The following TRHDE variants were observed in gnomAD, a reference collection of about 807,000 sequenced individuals.
The protein encoded by TRHDE is thyrotropin releasing hormone degrading enzyme, also known as thyrotropin-releasing hormone-degrading ectoenzyme.
TRHDE carries 72 observed loss-of-function variants against 125.7 expected under a neutral mutation model. The ratio of observed to expected loss-of-function variants is 0.57; its 90% CI spans 0.47 to 0.70. The LOEUF (loss-of-function observed/expected upper bound fraction) is 0.70, where lower values mean the gene tolerates loss of function less well. Ranked by LOEUF, TRHDE falls within the 30% of genes least tolerant of loss-of-function variation. The pLI, the probability that TRHDE is intolerant of heterozygous loss-of-function variation, is 0.00. For missense variants in TRHDE, 1,110 were observed against 1,327.1 expected (o/e 0.84, Z 2.54); for synonymous variants, 509 against 509.1 (o/e 1.00, Z 0.00).
chr12:72,255,996 C>G (rs1472139147), intron 2 of TRHDE: 1 of 152,170 alleles, frequency 6.6e-6, no homozygotes, highest in African/African-American at 2.4e-5. Flanking sequence ...TCATCTCTTG[C>G]ATGGATTATT....
Position 72,286,957 on chromosome 12 carries a change from A to C in TRHDE, c.1188+3A>C. 1 of 1,611,948 alleles carries C rather than the reference A, an allele frequency of 6.2e-7. No individual in the cohort carries two copies. The highest frequency in any genetic ancestry group is 8.5e-7 in the Non-Finnish European group (1 of 1,179,066). On this transcript the variant is annotated splice_donor_region_variant and intron_variant, in intron 2 of 18. Coordinates refer to ENST00000261180, the MANE Select transcript of TRHDE (RefSeq NM_013381.3). Reference sequence around the variant, plus strand: ...CTACCACCAAGAGTGGGGTTGTAGTAAGTATTTTCAGCTTAATGATGTTTT... The same window carrying C: ...CTACCACCAAGAGTGGGGTTGTAGTCAGTATTTTCAGCTTAATGATGTTTT...
At chr12:72,533,187 T>G (rs902242055) in intron 6 of TRHDE, among the ~76,000 whole-genome samples, 43 of 152,062 alleles carry the variant, frequency 2.8e-4, no homozygotes, top group African/African-American at 1.0e-3. Context: ...TTTTTTTTTT[T>G]GTTTGAGATG....
intron 12 of TRHDE, among the ~76,000 whole-genome samples, chr12:72,607,033 G>A (rs1872473027): frequency 6.6e-6 from 1 of 151,922 alleles, no homozygotes. Flanking sequence ...CTTAAATTAG[G>A]ATCTAAATGA....
chr12:72,663,156 C>T lies in TRHDE; in HGVS notation c.3171C>T (p.Asp1057=), dbSNP rs200307970. 2.5e-5 allele frequency: 40 copies of T among 1,612,666 alleles called. No individual in the cohort carries two copies. In the East Asian group the frequency reaches 5.1e-4, roughly 21 times the overall value. Residue 1057 remains aspartate (D), a synonymous_variant, in exon 19 of 19, where the codon GAC becomes GAT. Coordinates refer to ENST00000261180, the MANE Select transcript of TRHDE (RefSeq NM_013381.3). Reference sequence around the variant, plus strand: ...TGCGCTGGAAAATGCTTTACCAAGACGAGCTTTTCCAATGGTTAGGAAAAG... The same window carrying T: ...TGCGCTGGAAAATGCTTTACCAAGATGAGCTTTTCCAATGGTTAGGAAAAG... ...ANVRWKMLYQ[D]ELFQWLGKAL...
At chr12:72,604,980 C>A (rs1012460791) in intron 12 of TRHDE, among the ~76,000 whole-genome samples, 1 of 151,990 alleles carries the variant, frequency 6.6e-6, no homozygotes, top group Non-Finnish European at 1.5e-5. Flanking sequence ...TAAAGAAAAT[C>A]AAGGGAAAGT....
In TRHDE at chr12:72,370,866, T is replaced by A. The variant is rs547558536; in HGVS notation, c.1189-7129T>A. The stretch of plus-strand genomic sequence containing the variant: ...CAAGCAATTCTTCTGCCTCAGCCTC[T>A]CAGGTAGCTGGGATTACAGGCATGC... On this transcript the variant is annotated intron_variant, in intron 2 of 18. Transcript: ENST00000261180. 3.3e-5 allele frequency among the ~76,000 whole-genome samples: 5 copies of A among 152,024 alleles called. No individual in the cohort carries two copies. The East Asian group carries it at 9.7e-4, about 29-fold the overall frequency.
At chr12:72,638,061 T>A (rs1164965578) in intron 15 of TRHDE, among the ~76,000 whole-genome samples, 3 of 149,384 alleles carry the variant, frequency 2.0e-5, no homozygotes, top group African/African-American at 7.4e-5. Flanking sequence ...GGTATCCTTG[T>A]TGACTTTCTG....
intron 2 of TRHDE, among the ~76,000 whole-genome samples, chr12:72,141,140 C>A (rs1876102681): frequency 6.6e-6 from 1 of 152,226 alleles, no homozygotes; most frequent in African/African-American, 2.4e-5. Context: ...TTTTATCTGG[C>A]AACTCTAAAT....
intron 3 of TRHDE, among the ~76,000 whole-genome samples, chr12:72,416,359 A>G (rs1480713535): frequency 6.6e-6 from 1 of 151,548 alleles, no homozygotes; most frequent in African/African-American, 2.4e-5. Context: ...CTCTTTGTTG[A>G]TTGTTTCCTT....
intron 3 of TRHDE, among the ~76,000 whole-genome samples, chr12:72,458,623 C>G (rs1299227443): frequency 1.3e-5 from 2 of 152,108 alleles, no homozygotes; most frequent in Non-Finnish European, 2.9e-5. Flanking sequence ...GTAGATATCT[C>G]TATTTGGATG....
chr12:72,175,143 A>T (rs1044104139), intron 2 of TRHDE, among the ~76,000 whole-genome samples: 1 of 152,158 alleles, frequency 6.6e-6, no homozygotes, highest in Non-Finnish European at 1.5e-5. Context: ...GTGATTAGCA[A>T]TTCCCCTTTT....
intron 17 of TRHDE, among the ~76,000 whole-genome samples, chr12:72,655,391 CAAACTGCTTGTAGT>C (rs1476993349): frequency 1.3e-5 from 2 of 152,072 alleles, no homozygotes; most frequent in African/African-American, 4.8e-5. Flanking sequence ...CTGTTAATAT[CAAACTGCTTGTAGT>C]TGTCTGCACA....
chr12:72,131,427 T>C (rs895029625), intron 2 of TRHDE, among the ~76,000 whole-genome samples: 8 of 152,210 alleles, frequency 5.3e-5, no homozygotes, highest in African/African-American at 1.9e-4. Context: ...TCATTTAATT[T>C]TTAAATTTAT....
chr12:72,294,798 G>A (rs905991434), intron 2 of TRHDE, among the ~76,000 whole-genome samples: 4 of 151,998 alleles, frequency 2.6e-5, no homozygotes, highest in Non-Finnish European at 5.9e-5. Flanking sequence ...GCATCAAGCT[G>A]CCCTCAGCTC....
At chr12:72,182,577 C>A (rs184990270) in intron 2 of TRHDE, among the ~76,000 whole-genome samples, 3 of 152,274 alleles carry the variant, frequency 2.0e-5, no homozygotes, top group Non-Finnish European at 4.4e-5. Context: ...ATTTCACAGA[C>A]CTCCCCTTAT....
intron 2 of TRHDE, among the ~76,000 whole-genome samples, chr12:72,148,921 C>G (rs548700057): frequency 5.9e-5 from 9 of 152,134 alleles, no homozygotes; most frequent in African/African-American, 2.2e-4. Flanking sequence ...CTGCAATGAA[C>G]AGACAGCTCC....
intron 3 of TRHDE, among the ~76,000 whole-genome samples, chr12:72,407,465 G>T (rs540653616): frequency 6.6e-6 from 1 of 152,194 alleles, no homozygotes; most frequent in Non-Finnish European, 1.5e-5. Context: ...CGCTAGTGTG[G>T]AGTCATTTTA....
chr12:72,348,144 A>T (rs1456579560), intron 2 of TRHDE, among the ~76,000 whole-genome samples: 1 of 152,070 alleles, frequency 6.6e-6, no homozygotes, highest in Non-Finnish European at 1.5e-5. Flanking sequence ...ATATATACAC[A>T]CACATTGTGG....
chr12:72,616,624 T>C (rs1374605228), intron 12 of TRHDE, among the ~76,000 whole-genome samples: 1 of 152,090 alleles, frequency 6.6e-6, no homozygotes, highest in Non-Finnish European at 1.5e-5. Flanking sequence ...ATTTTAGAGA[T>C]GAAATAAAAC....
Sources: gnomAD v4.1 joint callset for allele counts (sites outside exome capture counted in the v4.1 genomes callset) on GRCh38, gnomAD v4.1.1 for gene constraint, MANE v1.5 for transcripts, NCBI Gene and HGNC (gene_info 2026-07-23, HGNC 2026-07-21) for gene names.